LTBP3: variants seen among roughly 807,000 people sequenced by gnomAD.
The protein encoded by LTBP3 is latent transforming growth factor beta binding protein 3.
LTBP3 carries 97 observed loss-of-function variants against 159.7 expected under a neutral mutation model. The observed-to-expected ratio is 0.61, with a 90% CI of 0.52 to 0.72. LTBP3 has a LOEUF of 0.72. Among genes scored for constraint, LTBP3 ranks in the 30% least tolerant of loss-of-function variants. The pLI, the probability that LTBP3 is intolerant of heterozygous loss-of-function variation, is 0.00. For synonymous variants in LTBP3, 824 were observed against 777.1 expected (o/e 1.06, Z -1.00); for missense variants, 1,584 against 1,864.3 (o/e 0.85, Z 2.77).
Position 65,552,734 on chromosome 11 carries a change from C to G in LTBP3, c.1186+126G>C. The stretch of plus-strand genomic sequence containing the variant: ...CCCCGGACCCTGCTGATCCCTGATC[C>G]TATTGGCTCTGGGCCTTGTTCCTCC... On this transcript the variant is annotated intron_variant, in intron 6 of 27. Coordinates refer to ENST00000301873, the MANE Select transcript of LTBP3 (RefSeq NM_001130144.3). The surrounding 1 kb of genome is among the most constrained non-coding windows in gnomAD (Gnocchi z 6.0). 1 of 1,389,980 alleles carries G rather than the reference C, an allele frequency of 7.2e-7. No individual in the cohort carries two copies. Among genetic ancestry groups the G allele is most frequent in the Non-Finnish European group, 1.0e-6 (1 of 985,160 alleles). 86.1% of individuals were successfully genotyped at this position (1,389,980 alleles called of 1,614,324 possible). A position where few individuals can be genotyped will look rare whatever the true frequency, so the allele number is the denominator to read the frequency against.
Position 65,539,648 on chromosome 11 carries a change from T to C in LTBP3, c.3548-20A>G. 1 of 1,600,058 alleles carries C rather than the reference T, an allele frequency of 6.2e-7. No homozygotes were observed. Among genetic ancestry groups the C allele is most frequent in the Non-Finnish European group, 8.5e-7 (1 of 1,175,754 alleles). ...GGGACCCTGGGAGGAGCAGAACTGG[T>C]CAGCGACGTCCGGGTCCCCGGGCCC... On this transcript the variant is annotated intron_variant, in intron 25 of 27. Coordinates refer to ENST00000301873, the MANE Select transcript of LTBP3 (RefSeq NM_001130144.3).
At position 65,540,507 on chromosome 11, in the gene LTBP3, C is replaced by G; in HGVS notation, c.3085G>C (p.Gly1029Arg). 1 of 1,613,758 alleles carries G rather than the reference C, an allele frequency of 6.2e-7. No individual in the cohort carries two copies. The highest frequency in any genetic ancestry group is 8.5e-7 in the Non-Finnish European group (1 of 1,179,888). ...TCACCCACGCATTCCAGCAGGTTCCCGTCGTAGTAGAAGCCCTGCTTGCAG... is the reference window on the plus strand; with the variant it reads ...TCACCCACGCATTCCAGCAGGTTCCGGTCGTAGTAGAAGCCCTGCTTGCAG... ...CYCKQGFYYD[G>R]NLLECVDVDE... Residue 1029 changes from glycine (G) to arginine (R), a missense_variant, in exon 22 of 28, where the codon GGG becomes CGG. Transcript: ENST00000301873.
rs540650210 is a variant in LTBP3, at chr11:65,539,370, G to C, written c.3718C>G (p.Pro1240Ala). The change falls in exon 27 of 28, where the codon CCC (proline) becomes GCC (alanine). Residue 1240 changes from proline (P) to alanine (A), a missense_variant. Physicochemically the swap from Pro to Ala is conservative, Grantham distance 27 (BLOSUM62 -1). Around this residue, in one of 6 missense-constraint regions of LTBP3, gnomAD observed 514 missense variants for 530.3 expected, o/e 0.97. Transcript: ENST00000301873. ...PRPGGAVCEC[P>A]GGFQLDASRA... The stretch of plus-strand genomic sequence containing the variant: ...GAGGCGTCGAGCTGGAAGCCGCCGG[G>C]ACACTCGCACACGGCGCCGCCCGGC... 1.4e-5 allele frequency: 21 copies of C among 1,541,146 alleles called. No individual in the cohort carries two copies. In the South Asian group the frequency reaches 2.5e-4, roughly 18 times the overall value.
chr11:65,544,846 G>A (rs1391289052), intron 16 of LTBP3: 4 of 152,540 alleles, frequency 2.6e-5, no homozygotes, highest in South Asian at 2.1e-4. Flanking sequence ...TGCTGCCCTC[G>A]TCTCCTGGTC....
rs1331538783 is a variant in LTBP3 at position 65,540,926 on chromosome 11, T to C, written c.2922A>G (p.Gly974=). 1 of 1,613,540 alleles carries C rather than the reference T, an allele frequency of 6.2e-7. No homozygotes were observed. The highest frequency in any genetic ancestry group is 2.2e-5 in the East Asian group (1 of 44,876). ...SAEFHSLCPD[G]KGYTQDNNIV... ...TGTTGTTGTCCTGGGTGTAGCCCTT[T>C]CCGTCTGGGCAGAGGCTGTGGAACT... The change falls in exon 21 of 28, where the codon GGA becomes GGG. Residue 974 remains glycine (G), a synonymous_variant. Transcript: ENST00000301873.
chr11:65,556,960 AG>A (rs1432435047), intron 1 of LTBP3, among the ~76,000 whole-genome samples: 10 of 113,566 alleles, frequency 8.8e-5, no homozygotes, highest in Non-Finnish European at 1.3e-4. Flanking sequence ...GGGAGGGTGT[AG>A]GGGCTTGGGG....
chr11:65,546,831 C>G lies in LTBP3; in HGVS notation c.2197G>C (p.Gly733Arg), dbSNP rs749135396. Residue 733 changes from glycine (G) to arginine (R), a missense_variant, in exon 15 of 28, where the codon GGC becomes CGC. This residue lies in a region of LTBP3 where 565 missense variants were observed against 677.7 expected (regional missense o/e 0.83). Coordinates refer to ENST00000301873, the MANE Select transcript of LTBP3 (RefSeq NM_001130144.3). This position sits in a 1 kb window ranked among gnomAD's most constrained non-coding sequence, Gnocchi z 4.0. ...GCCCCGCCCCCCTGGCTGCGGTAGC[C>G]AGGCTGACAGGCGATGCACTTGAAG... ...GSFKCIACQP[G>R]YRSQGGGACR... The G allele has an allele frequency of 6.2e-7, 1 of 1,609,416 alleles. No individual in the cohort carries two copies. Among genetic ancestry groups the G allele is most frequent in the Non-Finnish European group, 8.5e-7 (1 of 1,179,796 alleles).
chr11:65,539,073 GGCGGCGTCA>G lies in LTBP3; in HGVS notation c.3910_*6del, dbSNP rs779871744. On this transcript the variant is annotated stop_lost and 3_prime_UTR_variant, in exon 28 of 28. Coordinates refer to ENST00000301873, the MANE Select transcript of LTBP3 (RefSeq NM_001130144.3). ...CGAGGTCTGGGCCGAGGGCGGCGTC[GGCGGCGTCA>G]GCGGCGGCGCTGGGGAACGCAGGCC... 3.6e-6 allele frequency: 5 copies of G among 1,376,720 alleles called. No individual in the cohort carries two copies. The highest frequency in any genetic ancestry group is 4.7e-6 in the Non-Finnish European group (5 of 1,066,476). 85.3% of individuals were successfully genotyped at this position (1,376,720 alleles called of 1,614,324 possible). A position where few individuals can be genotyped will look rare whatever the true frequency, so the allele number is the denominator to read the frequency against.
Position 65,552,739 on chromosome 11 carries a change from G to A in LTBP3, c.1186+121C>T. The A allele has an allele frequency of 2.1e-6, 3 of 1,429,548 alleles. No homozygotes were observed. In the South Asian group the frequency reaches 3.5e-5, roughly 17 times the overall value. The allele number at this position is 1,429,548 out of a possible 1,614,324, so 88.6% of individuals were successfully genotyped here. Reference sequence around the variant, plus strand: ...GACCCTGCTGATCCCTGATCCTATTGGCTCTGGGCCTTGTTCCTCCTGCAG... The same window carrying A: ...GACCCTGCTGATCCCTGATCCTATTAGCTCTGGGCCTTGTTCCTCCTGCAG... On this transcript the variant is annotated intron_variant, in intron 6 of 27. Transcript: ENST00000301873. This position sits in a 1 kb window ranked among gnomAD's most constrained non-coding sequence, Gnocchi z 6.0.
At position 65,541,540 on chromosome 11, in the gene LTBP3, A is replaced by C. The variant is rs1856137821; in HGVS notation, c.2725+60T>G. 5.0e-6 allele frequency: 8 copies of C among 1,612,602 alleles called. No homozygotes were observed. The East Asian group carries it at 1.8e-4, about 36-fold the overall frequency. On this transcript the variant is annotated intron_variant, in intron 19 of 27. Coordinates refer to ENST00000301873, the MANE Select transcript of LTBP3 (RefSeq NM_001130144.3). ...GGGTGGGGCCAGGACACATCTCTGAATCCCAGCTGCAGCTCAGGGGAGTTG... is the reference window on the plus strand; with the variant it reads ...GGGTGGGGCCAGGACACATCTCTGACTCCCAGCTGCAGCTCAGGGGAGTTG...
intron 20 of LTBP3, 22 bp from the exon 21 acceptor site, chr11:65,540,976 G>T (rs373185533): frequency 5.0e-6 from 8 of 1,609,116 alleles, no homozygotes; most frequent in Non-Finnish European, 5.9e-6. Flanking sequence ...GGGCGGCCGT[G>T]GGGAGGGAAG....
rs528977046 is a variant in LTBP3, at chr11:65,547,000, TC to T, written c.2108-81del. ...GCTCCCAGCGTCCACAGCAGGGACT[TC>T]CTCCCACACAGATCAACGAGGCTCC... On this transcript the variant is annotated intron_variant, in intron 14 of 27. Transcript: ENST00000301873. This position sits in a 1 kb window ranked among gnomAD's most constrained non-coding sequence, Gnocchi z 4.0. The T allele has an allele frequency of 1.9e-4, 299 of 1,586,104 alleles. 2 individuals are homozygous for T. The South Asian group carries it at 3.1e-3, about 16-fold the overall frequency.
At position 65,557,736 on chromosome 11, in the gene LTBP3, C is replaced by T; in HGVS notation, c.224G>A (p.Cys75Tyr). Residue 75 changes from cysteine (C) to tyrosine (Y), a missense_variant, in exon 1 of 28, where the codon TGT becomes TAT. Transcript: ENST00000301873. ...ACTGTCCCGACACTGGCCCTTGAGA[C>T]AGGTCCGCTTGCAGATCACCGGCGC... ...VFAPVICKRT[C>Y]LKGQCRDSCQ... 2 of 1,607,528 alleles carry T rather than the reference C, an allele frequency of 1.2e-6. No homozygotes were observed. The highest frequency in any genetic ancestry group is 1.7e-6 in the Non-Finnish European group (2 of 1,179,850).
rs1367137615 is a variant in LTBP3 at position 65,554,366 on chromosome 11, G to A, written c.346C>T (p.Pro116Ser). The change falls in exon 2 of 28, where the codon CCC (proline) becomes TCC (serine). Residue 116 changes from proline to serine, a missense_variant. Around this residue, in one of 6 missense-constraint regions of LTBP3, gnomAD observed 76 missense variants for 133.3 expected, o/e 0.57. Coordinates refer to ENST00000301873, the MANE Select transcript of LTBP3 (RefSeq NM_001130144.3). The surrounding 1 kb of genome is among the most constrained non-coding windows in gnomAD (Gnocchi z 5.3). ...GAGCACTGGCCGCCATTCATGCAGG[G>A]GAGAGGGCACACCACTGGGGAGAAG... is the stretch of plus-strand genomic sequence containing the variant. Reference protein sequence around the residue: ...SGFRVVVCPLPCMNGGQCSSR... With the variant: ...SGFRVVVCPLSCMNGGQCSSR... 1 of 1,611,874 alleles carries A rather than the reference G, an allele frequency of 6.2e-7. No individual in the cohort carries two copies. The highest frequency in any genetic ancestry group is 1.1e-5 in the South Asian group (1 of 90,938).
Position 65,546,624 on chromosome 11 carries a change from GC to G in LTBP3, c.2231-61del, listed in dbSNP as rs1856382378. ...CACCGGAAGGCGGACCGCGCACCTC[GC>G]GGGGGTGTGGGTCTCTTCCCTGGAA... On this transcript the variant is annotated intron_variant, in intron 15 of 27. Coordinates refer to ENST00000301873, the MANE Select transcript of LTBP3 (RefSeq NM_001130144.3). This position sits in a 1 kb window ranked among gnomAD's most constrained non-coding sequence, Gnocchi z 4.0. 6.3e-7 allele frequency: 1 copy of G among 1,594,372 alleles called. No individual in the cohort carries two copies. The highest frequency in any genetic ancestry group is 2.2e-5 in the East Asian group (1 of 44,794).
rs1456077326 is a variant in LTBP3, at chr11:65,539,029, G to C, written c.*51C>G. The C allele has an allele frequency of 7.5e-7, 1 of 1,328,576 alleles. No individual in the cohort carries two copies. The highest frequency in any genetic ancestry group is 1.8e-5 in the South Asian group (1 of 55,734). The allele number at this position is 1,328,576 out of a possible 1,614,324, so 82.3% of individuals were successfully genotyped here. On this transcript the variant is annotated 3_prime_UTR_variant, in exon 28 of 28. Transcript: ENST00000301873. The stretch of plus-strand genomic sequence containing the variant: ...GGGCAGAAGTGAGGCCGAGCTCGCG[G>C]AAATCCCTCAGTGATCACCGAGGTC...
rs368240238 is a variant in LTBP3 at position 65,547,814 on chromosome 11, G to A, written c.1854C>T (p.Asn618=). Residue 618 remains asparagine, a synonymous_variant, in exon 13 of 28, where the codon AAC becomes AAT. Transcript: ENST00000301873. This position sits in a 1 kb window ranked among gnomAD's most constrained non-coding sequence, Gnocchi z 4.6. Reference sequence around the variant, plus strand: ...GGCCACAGGGCTCTGCCTCGCACTCGTTCACATCTGAGAAGAACGGGTAGG... The same window carrying A: ...GGCCACAGGGCTCTGCCTCGCACTCATTCACATCTGAGAAGAACGGGTAGG... The part of the protein sequence containing the change: ...HPQHRYCVDV[N]ECEAEPCGPG... 5.0e-6 allele frequency: 8 copies of A among 1,613,256 alleles called. No homozygotes were observed. Among genetic ancestry groups the A allele is most frequent in the Middle Eastern group, 1.6e-4 (1 of 6,062 alleles).
chr11:65,553,081 T>C lies in LTBP3; in HGVS notation c.1063+83A>G. On this transcript the variant is annotated intron_variant, in intron 5 of 27. Coordinates refer to ENST00000301873, the MANE Select transcript of LTBP3 (RefSeq NM_001130144.3). This position sits in a 1 kb window ranked among gnomAD's most constrained non-coding sequence, Gnocchi z 6.5. ...GGTCTTGCCCCAGCCCCACCTCCTC[T>C]CTCGCCCACCTTGGGACCCTCCCCA... 1 of 1,606,084 alleles carries C rather than the reference T, an allele frequency of 6.2e-7. No individual in the cohort carries two copies.
In LTBP3 at chr11:65,541,737, C is replaced by A; in HGVS notation, c.2597-9G>T. The A allele has an allele frequency of 6.2e-7, 1 of 1,613,950 alleles. No individual in the cohort carries two copies. The highest frequency in any genetic ancestry group is 1.3e-5 in the African/African-American group (1 of 75,038). ...GCTGCACTCATCTATGTCTGCGGGG[C>A]AAGAGTAGCGCAGCTGGAAACCCAG... On this transcript the variant is annotated splice_polypyrimidine_tract_variant and intron_variant, in intron 18 of 27. Transcript: ENST00000301873.
Sources: gnomAD v4.1 joint callset for allele counts (sites outside exome capture counted in the v4.1 genomes callset) on GRCh38, gnomAD v4.1.1 for gene constraint, gnomAD v4.1.1 regional missense constraint, Gnocchi (gnomAD v3.1) non-coding constraint, MANE v1.5 for transcripts, NCBI Gene and HGNC (gene_info 2026-07-23, HGNC 2026-07-21) for gene names.